Variants in LRP5 observed in about 807,000 individuals in gnomAD.
LRP5 encodes the protein LDL receptor related protein 5.
Under a neutral mutation model 154.1 loss-of-function variants are expected in LRP5, and 62 were observed. The ratio of observed to expected loss-of-function variants is 0.40; its 90% CI spans 0.33 to 0.50. LRP5 has a LOEUF of 0.50. LRP5 is among the 20% of genes least tolerant of loss of function. LRP5 has a pLI of 0.55. For missense variants in LRP5, 1,915 were observed against 2,336.7 expected (o/e 0.82, Z 3.72); for synonymous variants, 966 against 1,011.5 (o/e 0.96, Z 0.85).
At position 68,401,142 on chromosome 11, in the gene LRP5, C is replaced by G. The variant is rs561415801; in HGVS notation, c.1585-2341C>G. Among the ~76,000 whole-genome samples the G allele has an allele frequency of 2.1e-3, 324 of 152,300 alleles. 2 individuals carry two copies. The highest frequency in any genetic ancestry group is 7.4e-3 in the African/African-American group (307 of 41,574). ...CATTGTACGCCAGGGCTGGGTCCCT[C>G]CCTGGAGTGGTTCTGTGCTGCTGGG... On this transcript the variant is annotated intron_variant, in intron 7 of 22. Transcript: ENST00000294304.
At chr11:68,305,284 T>G in the LRP5 span, among the ~76,000 whole-genome samples, 1 of 151,914 alleles carries the variant, frequency 6.6e-6, no homozygotes, top group Non-Finnish European at 1.5e-5. Context: ...GCTTTTGCTG[T>G]GTGATGCACC....
At chr11:68,379,096 A>T (rs2153148291) in intron 5 of LRP5, among the ~76,000 whole-genome samples, 1 of 152,260 alleles carries the variant, frequency 6.6e-6, no homozygotes, top group African/African-American at 2.4e-5. Context: ...GACTTTTAGG[A>T]GATTGGTTCA....
chr11:68,343,302 G>A (rs1591198068), intron 1 of LRP5, among the ~76,000 whole-genome samples: 1 of 152,144 alleles, frequency 6.6e-6, no homozygotes, highest in East Asian at 1.9e-4. Context: ...GGGGACTCTC[G>A]GGCCGGAGCT....
Position 68,370,612 on chromosome 11 carries a change from C to T in LRP5, c.1015+4910C>T, listed in dbSNP as rs750728200. Among the ~76,000 whole-genome samples, 75 of 152,202 alleles carry T rather than the reference C, an allele frequency of 4.9e-4. 1 individual carries two copies. The highest frequency in any genetic ancestry group is 8.5e-4 in the Non-Finnish European group (58 of 68,028). On this transcript the variant is annotated intron_variant, in intron 5 of 22. Transcript: ENST00000294304. ...GCCGTCAGGGCCGCAGGGCTGAGCACGCAGCTCCACGCTCCCTAGAGACTC... is the reference window on the plus strand; with the variant it reads ...GCCGTCAGGGCCGCAGGGCTGAGCATGCAGCTCCACGCTCCCTAGAGACTC...
chr11:68,422,190 C>G (rs1422769120), intron 13 of LRP5, among the ~76,000 whole-genome samples: 1 of 152,180 alleles, frequency 6.6e-6, no homozygotes, highest in Admixed American at 6.5e-5. Flanking sequence ...TCAAGTGATT[C>G]TCCCACCTCA....
chr11:68,361,688 G>A (rs1473923626), intron 3 of LRP5, among the ~76,000 whole-genome samples: 1 of 152,054 alleles, frequency 6.6e-6, no homozygotes, highest in Non-Finnish European at 1.5e-5. Flanking sequence ...TGGCCATGGT[G>A]GTACATACCT....
chr11:68,443,585 A>ATTTTTTTT (rs1219762322), intron 21 of LRP5, among the ~76,000 whole-genome samples: 19 of 24,828 alleles, frequency 7.7e-4, no homozygotes, highest in African/African-American at 1.6e-3. Context: ...ATATATATAT[A>ATTTTTTTT]TTTTTTTTTT....
At chr11:68,400,510 C>T (rs1464317267) in intron 7 of LRP5, among the ~76,000 whole-genome samples, 2 of 151,942 alleles carry the variant, frequency 1.3e-5, no homozygotes, top group Admixed American at 6.6e-5. Context: ...CACCTGAGGT[C>T]GGGAGTTTGT....
At chr11:68,390,883 C>T (rs2098645919) in intron 7 of LRP5, among the ~76,000 whole-genome samples, 1 of 152,230 alleles carries the variant, frequency 6.6e-6, no homozygotes, top group South Asian at 2.1e-4. Flanking sequence ...TTTCAGTGGC[C>T]TCGTCCCATG....
At chr11:68,368,854 T>G (rs1215311816) in intron 5 of LRP5, among the ~76,000 whole-genome samples, 1 of 151,484 alleles carries the variant, frequency 6.6e-6, no homozygotes, top group African/African-American at 2.4e-5. Flanking sequence ...TATCTTTTTT[T>G]TTTTTTTTTT....
chr11:68,381,605 C>T (rs916483519), intron 5 of LRP5, among the ~76,000 whole-genome samples: 17 of 152,198 alleles, frequency 1.1e-4, no homozygotes, highest in Admixed American at 9.2e-4. Flanking sequence ...GGAGGAGGCT[C>T]GGGCGAGGGG....
intron 1 of LRP5, among the ~76,000 whole-genome samples, chr11:68,340,577 G>A (rs2098608372): frequency 6.6e-6 from 1 of 152,190 alleles, no homozygotes; most frequent in Non-Finnish European, 1.5e-5. Context: ...AGGATGTTGA[G>A]GTCAGAGGGG....
chr11:68,443,078 G>T (rs1446221870), intron 21 of LRP5, among the ~76,000 whole-genome samples: 1 of 152,080 alleles, frequency 6.6e-6, no homozygotes, highest in African/African-American at 2.4e-5. Flanking sequence ...TCAGCAGAGG[G>T]CCACACTGGC....
At chr11:68,325,869 C>A (rs3781600) in intron 1 of LRP5, among the ~76,000 whole-genome samples, 1 of 152,142 alleles carries the variant, frequency 6.6e-6, no homozygotes, top group African/African-American at 2.4e-5. Flanking sequence ...AGAGAGGCAG[C>A]GTTGAAAAGT....
At chr11:68,314,467 C>T (rs1446026294) in intron 1 of LRP5, among the ~76,000 whole-genome samples, 2 of 152,202 alleles carry the variant, frequency 1.3e-5, no homozygotes, top group African/African-American at 2.4e-5. Context: ...TTCTGCAGAA[C>T]GGTTTTGATG....
chr11:68,427,004 G>A (rs1031064601), intron 16 of LRP5, among the ~76,000 whole-genome samples: 2 of 152,170 alleles, frequency 1.3e-5, no homozygotes, highest in Admixed American at 1.3e-4. Flanking sequence ...TCAGCAGTGG[G>A]GGCTCCCTGC....
chr11:68,366,559 G>A (rs533986101), intron 5 of LRP5, among the ~76,000 whole-genome samples: 25 of 152,238 alleles, frequency 1.6e-4, no homozygotes, highest in African/African-American at 5.8e-4. Context: ...TGGTCGTGGC[G>A]CCCGTGGCGT....
intron 1 of LRP5, among the ~76,000 whole-genome samples, chr11:68,340,377 A>C (rs1241610763): frequency 6.6e-6 from 1 of 152,238 alleles, no homozygotes; most frequent in African/African-American, 2.4e-5. Context: ...AATCCAGGCA[A>C]CTGAGTCTGA....
intron 2 of LRP5, among the ~76,000 whole-genome samples, chr11:68,354,432 G>A (rs2098621382): frequency 6.6e-6 from 1 of 152,206 alleles, no homozygotes; most frequent in South Asian, 2.1e-4. Flanking sequence ...CATGGGCCAC[G>A]GTGGAGCATT....
Sources: gnomAD v4.1 joint callset for allele counts (sites outside exome capture counted in the v4.1 genomes callset) on GRCh38, gnomAD v4.1.1 for gene constraint, MANE v1.5 for transcripts, NCBI Gene and HGNC (gene_info 2026-07-23, HGNC 2026-07-21) for gene names.